The following ST6GALNAC5 variants were observed in gnomAD, a reference collection of about 807,000 sequenced individuals.
ST6GALNAC5 encodes the protein alpha-N-acetylgalactosaminide alpha-2,6-sialyltransferase 5.
In ST6GALNAC5, 27 loss-of-function variants were observed where a neutral mutation model predicts 33.6. The observed-to-expected ratio is 0.80, with a 90% CI of 0.59 to 1.11. The LOEUF (loss-of-function observed/expected upper bound fraction) is 1.11, where lower values mean the gene tolerates loss of function less well. Ranked by LOEUF, ST6GALNAC5 falls within the 50% of genes least tolerant of loss-of-function variation. ST6GALNAC5 has a pLI of 0.00. For synonymous variants in ST6GALNAC5, 194 were observed against 171.2 expected (o/e 1.13, Z -1.04); for missense variants, 428 against 454.0 (o/e 0.94, Z 0.52).
intron 2 of ST6GALNAC5, among the ~76,000 whole-genome samples, chr1:76,990,575 G>A (rs896818394): frequency 4.6e-5 from 7 of 152,096 alleles, no homozygotes; most frequent in African/African-American, 1.4e-4. Flanking sequence ...CAGTCAGCCA[G>A]GCTATGAAAG....
At chr1:76,916,245 C>G (rs1646973158) in intron 2 of ST6GALNAC5, among the ~76,000 whole-genome samples, 1 of 152,252 alleles carries the variant, frequency 6.6e-6, no homozygotes, top group Admixed American at 6.5e-5. Context: ...CTGGACTAAG[C>G]CAGCCTCATC....
In ST6GALNAC5 at chr1:76,867,545, G is replaced by A; in HGVS notation, c.-131G>A. On this transcript the variant is annotated 5_prime_UTR_variant, in exon 1 of 5. Transcript: ENST00000477717. ...CCCGGGTCCCGCGGCTCCCGCGCGC[G>A]ATCTGCCGCGGCCGGCTGCTGGGCA... 3 of 1,476,066 alleles carry A rather than the reference G, an allele frequency of 2.0e-6. No individual in the cohort carries two copies. In the East Asian group the frequency reaches 6.8e-5, roughly 33 times the overall value. The allele number at this position is 1,476,066 out of a possible 1,614,324, so 91.4% of individuals were successfully genotyped here. A position where few individuals can be genotyped will look rare whatever the true frequency, so the allele number is the denominator to read the frequency against.
chr1:76,938,469 A>G (rs1029377034), intron 2 of ST6GALNAC5, among the ~76,000 whole-genome samples: 9 of 152,088 alleles, frequency 5.9e-5, no homozygotes, highest in Non-Finnish European at 2.9e-5. Flanking sequence ...CAAGAGTAAG[A>G]GAAGAGACTA....
At chr1:76,886,371 A>G (rs1262004005) in intron 2 of ST6GALNAC5, among the ~76,000 whole-genome samples, 1 of 152,024 alleles carries the variant, frequency 6.6e-6, no homozygotes, top group African/African-American at 2.4e-5. Flanking sequence ...AGTATATGGT[A>G]TTATATCTTG....
chr1:76,914,647 G>T (rs1397341019), intron 2 of ST6GALNAC5, among the ~76,000 whole-genome samples: 2 of 152,288 alleles, frequency 1.3e-5, no homozygotes, highest in Admixed American at 1.3e-4. Context: ...TATGTAGACA[G>T]CTGAAACTGG....
chr1:77,050,476 T>A, intron 4 of ST6GALNAC5, 111 bp downstream of exon 4: 1 of 929,698 alleles, frequency 1.1e-6, no homozygotes, highest in Non-Finnish European at 1.7e-6. Context: ...TTGAAGCAAT[T>A]AATTAGCATG....
intron 2 of ST6GALNAC5, among the ~76,000 whole-genome samples, chr1:76,894,477 G>T (rs764428520): frequency 1.4e-5 from 2 of 139,784 alleles, no homozygotes; most frequent in Admixed American, 6.9e-5. Flanking sequence ...GGAAGAGGCA[G>T]GGGGGGGATC....
intron 2 of ST6GALNAC5, among the ~76,000 whole-genome samples, chr1:76,967,338 G>A (rs1238235678): frequency 6.6e-6 from 1 of 152,178 alleles, no homozygotes; most frequent in Non-Finnish European, 1.5e-5. Context: ...GGGTGTATGT[G>A]TCCAGGAATT....
At chr1:76,892,485 A>G (rs1260723425) in intron 2 of ST6GALNAC5, among the ~76,000 whole-genome samples, 1 of 152,218 alleles carries the variant, frequency 6.6e-6, no homozygotes, top group Non-Finnish European at 1.5e-5. Flanking sequence ...TGAATAGTCC[A>G]TATGTTTATA....
intron 2 of ST6GALNAC5, among the ~76,000 whole-genome samples, chr1:76,942,912 T>C (rs1208800823): frequency 6.6e-6 from 1 of 152,126 alleles, no homozygotes; most frequent in Non-Finnish European, 1.5e-5. Context: ...CACAGATACA[T>C]AGAATCTGAA....
chr1:77,010,680 A>T (rs1009111846), intron 2 of ST6GALNAC5, among the ~76,000 whole-genome samples: 1 of 123,020 alleles, frequency 8.1e-6, no homozygotes, highest in African/African-American at 3.1e-5. Context: ...GGAGGCCAGG[A>T]GGCGCTATGT....
At chr1:77,044,170 C>T (rs552756487) in intron 2 of ST6GALNAC5, 34 bp from the exon 3 acceptor site, 43 of 1,563,946 alleles carry the variant, frequency 2.7e-5, no homozygotes, top group Middle Eastern at 3.4e-4. Context: ...AAGCCCTTTG[C>T]CCCTGACAGT....
At chr1:76,886,345 C>T (rs1236021018) in intron 2 of ST6GALNAC5, among the ~76,000 whole-genome samples, 1 of 152,008 alleles carries the variant, frequency 6.6e-6, no homozygotes, top group Non-Finnish European at 1.5e-5. Flanking sequence ...CTACTCTTTA[C>T]TGCTTAGATT....
At chr1:76,988,526 C>T (rs745762062) in intron 2 of ST6GALNAC5, among the ~76,000 whole-genome samples, 5 of 151,862 alleles carry the variant, frequency 3.3e-5, no homozygotes, top group Non-Finnish European at 7.4e-5. Context: ...TTCCTTTTCT[C>T]TCCTTTTATC....
chr1:77,006,137 T>C (rs181247400), intron 2 of ST6GALNAC5, among the ~76,000 whole-genome samples: 1 of 69,998 alleles, frequency 1.4e-5, no homozygotes, highest in Non-Finnish European at 4.7e-5. Flanking sequence ...AAATGTGTAG[T>C]TTTTTTTGTT....
intron 2 of ST6GALNAC5, among the ~76,000 whole-genome samples, chr1:76,981,072 T>C (rs748223851): frequency 6.6e-6 from 1 of 152,178 alleles, no homozygotes; most frequent in Admixed American, 6.5e-5. Context: ...CCCAGCGTGA[T>C]CAACACAGAA....
intron 2 of ST6GALNAC5, among the ~76,000 whole-genome samples, chr1:76,897,581 C>T (rs61785568): frequency 0.012 from 1,891 of 151,948 alleles, 13 homozygotes; most frequent in Middle Eastern, 0.024. Flanking sequence ...GATCAGTCGC[C>T]AAGGAGGGAG....
At chr1:76,959,433 TTATC>T (rs1648141525) in intron 2 of ST6GALNAC5, among the ~76,000 whole-genome samples, 1 of 152,228 alleles carries the variant, frequency 6.6e-6, no homozygotes, top group South Asian at 2.1e-4. Flanking sequence ...TTTGGCTTGT[TTATC>T]TAGACCTTCT....
At chr1:76,870,193 C>T (rs1653467051) in intron 2 of ST6GALNAC5, among the ~76,000 whole-genome samples, 1 of 152,192 alleles carries the variant, frequency 6.6e-6, no homozygotes. Context: ...TGATTGATTA[C>T]ATGCTTTGTA....
Sources: gnomAD v4.1 joint callset for allele counts (sites outside exome capture counted in the v4.1 genomes callset) on GRCh38, gnomAD v4.1.1 for gene constraint, MANE v1.5 for transcripts, NCBI Gene and HGNC (gene_info 2026-07-23, HGNC 2026-07-21) for gene names.